TMEM145: variants seen among roughly 807,000 people sequenced by gnomAD.
TMEM145 encodes the protein transmembrane protein 145.
In TMEM145, 46 loss-of-function variants were observed where a neutral mutation model predicts 68.5. That is an observed-to-expected ratio of 0.67 (90% CI 0.53 to 0.86). TMEM145 has a LOEUF of 0.86. Ranked by LOEUF, TMEM145 falls within the 40% of genes least tolerant of loss-of-function variation. The pLI, the probability that TMEM145 is intolerant of heterozygous loss-of-function variation, is 0.00. For missense variants in TMEM145, 570 were observed against 645.8 expected, an observed-to-expected ratio of 0.88 and a Z score of 1.27; for synonymous variants, 255 against 280.2, an observed-to-expected ratio of 0.91 and a Z score of 0.90.
intron 10 of TMEM145, 59 bp from the exon 11 acceptor site, chr19:42,316,811 G>A (rs1184845655): frequency 2.5e-6 from 4 of 1,609,780 alleles, no homozygotes; most frequent in South Asian, 2.2e-5. Flanking sequence ...GGGGGGCTGG[G>A]TGCATCCTCC....
chr19:42,320,457 G>C lies in TMEM145; in HGVS notation c.1194+20G>C. The C allele has an allele frequency of 6.2e-7, 1 of 1,613,412 alleles. No individual in the cohort carries two copies. The highest frequency in any genetic ancestry group is 1.1e-5 in the South Asian group (1 of 91,084). On this transcript the variant is annotated intron_variant, in intron 13 of 14. Coordinates refer to ENST00000301204, the MANE Select transcript of TMEM145 (RefSeq NM_173633.3). ...TTTCTGGTGAGGATGGGCATCTGTGGGGGGTGGAGGGGAGGACCCGAGGGC... is the reference window on the plus strand; with the variant it reads ...TTTCTGGTGAGGATGGGCATCTGTGCGGGGTGGAGGGGAGGACCCGAGGGC...
In TMEM145 at chr19:42,314,700, G is replaced by A; in HGVS notation, c.360+1G>A. 1.2e-6 allele frequency: 2 copies of A among 1,614,202 alleles called. No individual in the cohort carries two copies. Among genetic ancestry groups the A allele is most frequent in the South Asian group, 2.2e-5 (2 of 91,082 alleles). ...CCAGTATGCCTGGTCCGGCTGTCAG[G>A]TGCAGGCTCAGCCTGGGGGAGTGGG... is the stretch of plus-strand genomic sequence containing the variant. On this transcript the variant is annotated splice_donor_variant, in intron 4 of 14. Coordinates refer to ENST00000301204, the MANE Select transcript of TMEM145 (RefSeq NM_173633.3). LOFTEE classifies it high-confidence loss of function.
chr19:42,316,994 G>A, intron 11 of TMEM145, 31 bp downstream of exon 11: 1 of 1,594,976 alleles, frequency 6.3e-7, no homozygotes, highest in Non-Finnish European at 8.6e-7. Context: ...GCCGGGCCCT[G>A]CCTTCCCCTG....
chr19:42,324,345 T>C (rs1316384333), intron 14 of TMEM145: 1 of 984,730 alleles, frequency 1.0e-6, no homozygotes, highest in African/African-American at 1.8e-5. Context: ...GTGGTGACCA[T>C]GGCCGAGCCG....
rs370100137 is a variant in TMEM145 at position 42,320,357 on chromosome 19, G to C, written c.1114G>C (p.Gly372Arg). Residue 372 changes from glycine (G) to arginine (R), a missense_variant, in exon 13 of 15, where the codon GGC becomes CGC. Transcript: ENST00000301204. Reference sequence around the variant, plus strand: ...TGTCATGGCCCTGATTGCCAATTTCGGCATCCCCAAGTGGGCCCGGGAGAA... The same window carrying C: ...TGTCATGGCCCTGATTGCCAATTTCCGCATCCCCAAGTGGGCCCGGGAGAA... ...VPVMALIANF[G>R]IPKWAREKIV... 7.5e-5 allele frequency: 121 copies of C among 1,614,090 alleles called. No homozygotes were observed. In the African/African-American group the frequency reaches 1.4e-3, roughly 19 times the overall value.
At position 42,323,800 on chromosome 19, in the gene TMEM145, C is replaced by T. The variant is rs376118225; in HGVS notation, c.1401+11C>T. ...CCGCCCGCCACCTCCGTAAGCCCCG[C>T]GGCCCCAGCGCCCGAGGAGCTGCTG... On this transcript the variant is annotated intron_variant, in intron 14 of 14. Transcript: ENST00000301204. The T allele has an allele frequency of 3.7e-6, 6 of 1,612,484 alleles. No individual in the cohort carries two copies. In the African/African-American group the frequency reaches 6.7e-5, roughly 18 times the overall value.
chr19:42,315,460 C>T lies in TMEM145; in HGVS notation c.646+20C>T, dbSNP rs879674955. On this transcript the variant is annotated intron_variant, in intron 8 of 14. Transcript: ENST00000301204. The stretch of plus-strand genomic sequence containing the variant: ...TAGAGGGTGAGGTTCCGTGTCCCAA[C>T]TTTTGGGTTCTGAAAGAGAAGGCAC... The T allele has an allele frequency of 7.4e-6, 12 of 1,613,678 alleles. No homozygotes were observed. The highest frequency in any genetic ancestry group is 1.3e-5 in the African/African-American group (1 of 74,886).
intron 13 of TMEM145, 96 bp downstream of exon 13, chr19:42,320,533 G>A (rs746203318): frequency 4.6e-5 from 71 of 1,556,214 alleles, no homozygotes; most frequent in Non-Finnish European, 5.9e-5. Context: ...CCTGTTCTGA[G>A]GTCTTGATCC....
chr19:42,314,838 G>T lies in TMEM145; in HGVS notation c.407G>T (p.Arg136Leu). ...GTRYLSCSSGRSFRSGDGLQL... is the reference protein window; with the variant it reads ...GTRYLSCSSGLSFRSGDGLQL... Reference sequence around the variant, plus strand: ...CGCTACCTGAGCTGCTCCAGTGGCCGCAGCTTCCGCTCAGTGCGTGAACGG... The same window carrying T: ...CGCTACCTGAGCTGCTCCAGTGGCCTCAGCTTCCGCTCAGTGCGTGAACGG... Residue 136 changes from arginine to leucine, a missense_variant, in exon 5 of 15, where the codon CGC becomes CTC. Arg to Leu is a moderately radical substitution (Grantham distance 102). Transcript: ENST00000301204. 2 of 1,614,180 alleles carry T rather than the reference G, an allele frequency of 1.2e-6. No homozygotes were observed. Among genetic ancestry groups the T allele is most frequent in the Non-Finnish European group, 1.7e-6 (2 of 1,180,024 alleles).
chr19:42,324,266 C>A (rs2038945485), intron 14 of TMEM145: 1 of 984,948 alleles, frequency 1.0e-6, no homozygotes, highest in Non-Finnish European at 1.2e-6. Flanking sequence ...CTGACCCTGA[C>A]CCCCCTCCCA....
Position 42,314,514 on chromosome 19 carries a change from A to G in TMEM145, c.259A>G (p.Lys87Glu). Residue 87 changes from lysine to glutamate, a missense_variant, in exon 3 of 15, where the codon AAG (lysine) becomes GAG (glutamate). Physicochemically the swap from Lys to Glu is moderately conservative, Grantham distance 56. Transcript: ENST00000301204. The stretch of plus-strand genomic sequence containing the variant: ...CCCATCCCAGTGGCCAGCCGTGTAC[A>G]AGGCAGGGGACAAGGTGAGGGCTGT... ...DDPSQWPAVYKAGDKDCLAKE... is the reference protein window; with the variant it reads ...DDPSQWPAVYEAGDKDCLAKE... The G allele has an allele frequency of 3.1e-6, 5 of 1,614,130 alleles. No homozygotes were observed. The highest frequency in any genetic ancestry group is 4.2e-6 in the Non-Finnish European group (5 of 1,180,014).
intron 13 of TMEM145, 142 bp downstream of exon 13, chr19:42,320,579 C>A: frequency 8.2e-7 from 1 of 1,218,344 alleles, no homozygotes; most frequent in Non-Finnish European, 1.2e-6. Context: ...TATTGAGAGC[C>A]TGCTTGGTTC....
At position 42,316,747 on chromosome 19, in the gene TMEM145, G is replaced by A. The variant is rs747771783; in HGVS notation, c.806+7G>A. On this transcript the variant is annotated splice_region_variant and intron_variant, in intron 10 of 14. Coordinates refer to ENST00000301204, the MANE Select transcript of TMEM145 (RefSeq NM_173633.3). ...AGGGATTCACGGTGACACGGTGCCC[G>A]GGCAGGGCGTGCTCGTGGGGCGGCT... is the stretch of plus-strand genomic sequence containing the variant. 17 of 1,613,308 alleles carry A rather than the reference G, an allele frequency of 1.1e-5. No individual in the cohort carries two copies. Among genetic ancestry groups the A allele is most frequent in the African/African-American group, 2.7e-5 (2 of 74,984 alleles).
chr19:42,319,645 A>G (rs1331126535), intron 12 of TMEM145, among the ~76,000 whole-genome samples: 1 of 150,670 alleles, frequency 6.6e-6, no homozygotes, highest in Non-Finnish European at 1.5e-5. Flanking sequence ...TGTGGTTTCC[A>G]CCATATTGGC....
Position 42,316,918 on chromosome 19 carries a change from C to T in TMEM145, c.855C>T (p.Thr285=), listed in dbSNP as rs770502590. Residue 285 remains threonine, a synonymous_variant, in exon 11 of 15, where the codon ACC becomes ACT. Coordinates refer to ENST00000301204, the MANE Select transcript of TMEM145 (RefSeq NM_173633.3). ...CCGTGAAGTTGTCTGTCTACATGAC[C>T]CTGTACACGCTCACCCATGTGGTGC... is the stretch of plus-strand genomic sequence containing the variant. ...AGSVKLSVYM[T]LYTLTHVVLL... The T allele has an allele frequency of 6.2e-6, 10 of 1,613,832 alleles. No individual in the cohort carries two copies. The highest frequency in any genetic ancestry group is 2.2e-5 in the East Asian group (1 of 44,872).
chr19:42,321,540 C>T (rs567635651), intron 13 of TMEM145: 19 of 171,086 alleles, frequency 1.1e-4, no homozygotes, highest in Non-Finnish European at 2.0e-4. Flanking sequence ...CAGGCGCCCA[C>T]CACCACGCCT....
rs1275995837 is a variant in TMEM145 at position 42,314,694 on chromosome 19, T to C, written c.355T>C (p.Cys119Arg). Residue 119 changes from cysteine to arginine, a missense_variant, in exon 4 of 15, where the codon TGT becomes CGT. Cys to Arg is a radical substitution (Grantham distance 180). Transcript: ENST00000301204. ...NLTTQYAWSG[C>R]QVVSEEGTRY... The stretch of plus-strand genomic sequence containing the variant: ...CACCACCCAGTATGCCTGGTCCGGC[T>C]GTCAGGTGCAGGCTCAGCCTGGGGG... The C allele has an allele frequency of 6.2e-7, 1 of 1,614,166 alleles. No homozygotes were observed. The highest frequency in any genetic ancestry group is 8.5e-7 in the Non-Finnish European group (1 of 1,180,018).
rs2038959287 is a variant in TMEM145, at chr19:42,325,052, T to G, written c.*235T>G. 1 of 546,518 alleles carries G rather than the reference T, an allele frequency of 1.8e-6. No homozygotes were observed. Among genetic ancestry groups the G allele is most frequent in the Non-Finnish European group, 2.8e-6 (1 of 361,092 alleles). The allele number at this position is 546,518 out of a possible 1,614,324, so 33.9% of individuals were successfully genotyped here. A position where few individuals can be genotyped will look rare whatever the true frequency, so the allele number is the denominator to read the frequency against. On this transcript the variant is annotated 3_prime_UTR_variant, in exon 15 of 15. Coordinates refer to ENST00000301204, the MANE Select transcript of TMEM145 (RefSeq NM_173633.3). The stretch of plus-strand genomic sequence containing the variant: ...TCTTGCCAAAATAAAAAAGGATTCG[T>G]TTTTATCTATAACATGGCTTCTTTT...
chr19:42,315,322 C>CCT (rs1432453019), intron 7 of TMEM145, 50 bp from the exon 8 acceptor site: 1 of 1,613,970 alleles, frequency 6.2e-7, no homozygotes, highest in Non-Finnish European at 8.5e-7. Context: ...GGGAGGTGAG[C>CCT]TGCTCTCCCT....
Sources: gnomAD v4.1 joint callset for allele counts (sites outside exome capture counted in the v4.1 genomes callset) on GRCh38, gnomAD v4.1.1 for gene constraint, MANE v1.5 for transcripts, NCBI Gene and HGNC (gene_info 2026-07-23, HGNC 2026-07-21) for gene names.